Variants in PDE10A observed in about 807,000 individuals in gnomAD.
PDE10A encodes cAMP and cAMP-inhibited cGMP 3',5'-cyclic phosphodiesterase 10A.
In PDE10A, 39 loss-of-function variants were observed where a neutral mutation model predicts 97.7. The observed-to-expected ratio is 0.40, with a 90% CI of 0.31 to 0.52. The LOEUF (loss-of-function observed/expected upper bound fraction) is 0.52, where lower values mean the gene tolerates loss of function less well. PDE10A is among the 20% of genes least tolerant of loss of function. PDE10A has a pLI of 0.56. For synonymous variants in PDE10A, 371 were observed against 376.8 expected, an observed-to-expected ratio of 0.98 and a Z score of 0.18; for missense variants, 731 against 1,047.8, an observed-to-expected ratio of 0.70 and a Z score of 4.17.
Position 165,396,495 on chromosome 6 carries a change from T to TA in PDE10A, c.2077-37dup, listed in dbSNP as rs767839764. 3.2e-6 allele frequency: 5 copies of TA among 1,570,702 alleles called. No homozygotes were observed. In the East Asian group the frequency reaches 1.1e-4, roughly 35 times the overall value. ...AATCCAAAAAAAAAACCCCCAAAATTAAAAGAATATTTAAACTGTTTTGTC... is the reference window on the plus strand; with the variant it reads ...AATCCAAAAAAAAAACCCCCAAAATTAAAAAGAATATTTAAACTGTTTTGTC... On this transcript the variant is annotated intron_variant, in intron 13 of 21. Coordinates refer to ENST00000539869, the MANE Select transcript of PDE10A (RefSeq NM_001385079.1).
chr6:165,576,443 C>T, intron 1 of PDE10A: 1 of 780,882 alleles, frequency 1.3e-6, no homozygotes, highest in East Asian at 2.4e-5. Context: ...TCTCTTCTAT[C>T]CTCATTCTAC....
At chr6:165,412,968 A>T (rs1325955768) in intron 13 of PDE10A, among the ~76,000 whole-genome samples, 2 of 152,194 alleles carry the variant, frequency 1.3e-5, no homozygotes, top group African/African-American at 2.4e-5. Context: ...AGACTTGAGA[A>T]TGCACATTGA....
chr6:165,839,274 A>T (rs762548639), intron 1 of PDE10A, among the ~76,000 whole-genome samples: 2 of 152,236 alleles, frequency 1.3e-5, no homozygotes, highest in African/African-American at 2.4e-5. Context: ...AAGAATTATA[A>T]TCACTACAGC....
chr6:165,435,453 C>T, intron 5 of PDE10A, 76 bp from the exon 6 acceptor site: 2 of 1,239,758 alleles, frequency 1.6e-6, no homozygotes, highest in Non-Finnish European at 2.2e-6. Flanking sequence ...TGAATCCTAA[C>T]AGTCATAATA....
intron 5 of PDE10A, among the ~76,000 whole-genome samples, chr6:165,437,798 T>C (rs1790129077): frequency 6.6e-6 from 1 of 152,198 alleles, no homozygotes; most frequent in Non-Finnish European, 1.5e-5. Context: ...TGGCTACACT[T>C]TCCCTCCTTT....
chr6:165,930,266 G>A (rs1044148758), intron 1 of PDE10A, among the ~76,000 whole-genome samples: 2 of 152,222 alleles, frequency 1.3e-5, no homozygotes, highest in African/African-American at 4.8e-5. Flanking sequence ...TGAGGAAGAA[G>A]AGCATTCATA....
chr6:165,751,286 TG>T (rs767602481), intron 1 of PDE10A, among the ~76,000 whole-genome samples: 1 of 152,224 alleles, frequency 6.6e-6, no homozygotes, highest in Non-Finnish European at 1.5e-5. Context: ...TCATCTTTTC[TG>T]CTTTTGCACC....
intron 1 of PDE10A, among the ~76,000 whole-genome samples, chr6:165,619,162 G>A (rs536125857): frequency 0.044 from 6,342 of 144,460 alleles, 625 homozygotes; most frequent in African/African-American, 0.16. Flanking sequence ...GTGTAGTGTA[G>A]TGTAGTGTAG....
At chr6:165,731,468 A>G (rs1241595738) in intron 1 of PDE10A, among the ~76,000 whole-genome samples, 1 of 152,176 alleles carries the variant, frequency 6.6e-6, no homozygotes, top group Non-Finnish European at 1.5e-5. Context: ...CCCAGGAGAA[A>G]GGCCCGAGCT....
intron 1 of PDE10A, among the ~76,000 whole-genome samples, chr6:165,747,585 GT>G (rs199635400): frequency 2.1e-4 from 31 of 148,226 alleles, no homozygotes; most frequent in South Asian, 8.6e-4. Flanking sequence ...AAATGATCAA[GT>G]TTTTTTTTTT....
intron 13 of PDE10A, among the ~76,000 whole-genome samples, chr6:165,403,911 C>T: frequency 6.6e-6 from 1 of 152,126 alleles, no homozygotes; most frequent in African/African-American, 2.4e-5. Context: ...CGATTTCATT[C>T]CTTTTTACGG....
chr6:165,790,880 C>T (rs533606357), intron 1 of PDE10A, among the ~76,000 whole-genome samples: 122 of 152,066 alleles, frequency 8.0e-4, no homozygotes, highest in Non-Finnish European at 1.5e-3. Context: ...TGTGATCTAC[C>T]CTCTTAACAT....
intron 1 of PDE10A, among the ~76,000 whole-genome samples, chr6:165,679,084 G>C (rs1308673309): frequency 6.6e-6 from 1 of 152,230 alleles, no homozygotes; most frequent in Non-Finnish European, 1.5e-5. Context: ...GTACTCAACA[G>C]GTGGTCAGTT....
At chr6:165,985,830 C>T (rs962057525) in intron 1 of PDE10A, among the ~76,000 whole-genome samples, 2 of 152,036 alleles carry the variant, frequency 1.3e-5, no homozygotes, top group African/African-American at 4.8e-5. Flanking sequence ...TGGCCTCTTC[C>T]CTTCCCACCC....
intron 1 of PDE10A, among the ~76,000 whole-genome samples, chr6:165,713,826 G>A (rs1315446496): frequency 6.6e-6 from 1 of 152,166 alleles, no homozygotes; most frequent in Non-Finnish European, 1.5e-5. Context: ...AGTTTGAAAT[G>A]AAAGATTATA....
At chr6:165,831,629 C>T (rs1274003645) in intron 1 of PDE10A, among the ~76,000 whole-genome samples, 1 of 151,460 alleles carries the variant, frequency 6.6e-6, no homozygotes, top group Admixed American at 6.6e-5. Flanking sequence ...GGACTACAGG[C>T]GCCCGCCACC....
At chr6:165,589,069 T>C (rs752284325) in intron 1 of PDE10A, among the ~76,000 whole-genome samples, 1 of 152,228 alleles carries the variant, frequency 6.6e-6, no homozygotes, top group African/African-American at 2.4e-5. Context: ...GATTAATATA[T>C]TGCCAACATA....
At chr6:165,565,528 T>C (rs1784732762) in intron 1 of PDE10A, among the ~76,000 whole-genome samples, 1 of 152,150 alleles carries the variant, frequency 6.6e-6, no homozygotes, top group African/African-American at 2.4e-5. Flanking sequence ...CTACACTCAG[T>C]GCAATCAAAA....
At chr6:165,643,395 C>A (rs556786975) in intron 1 of PDE10A, among the ~76,000 whole-genome samples, 6 of 152,280 alleles carry the variant, frequency 3.9e-5, no homozygotes, top group Admixed American at 2.0e-4. Context: ...CACAGATGCT[C>A]TCCTTAGTTT....
Sources: gnomAD v4.1 joint callset for allele counts (sites outside exome capture counted in the v4.1 genomes callset) on GRCh38, gnomAD v4.1.1 for gene constraint, MANE v1.5 for transcripts, NCBI Gene and HGNC (gene_info 2026-07-23, HGNC 2026-07-21) for gene names.